Variants in ATP8A2 observed in about 807,000 individuals in gnomAD.
ATP8A2 encodes the protein ATPase phospholipid transporting 8A2.
In ATP8A2, 100 loss-of-function variants were observed where a neutral mutation model predicts 165.6. The ratio of observed to expected loss-of-function variants is 0.60; its 90% CI spans 0.51 to 0.71. ATP8A2 has a LOEUF of 0.71. ATP8A2 is among the 30% of genes least tolerant of loss of function. ATP8A2 has a pLI of 0.00. For missense variants in ATP8A2, 1,227 were observed against 1,479.5 expected (o/e 0.83, Z 2.80); for synonymous variants, 543 against 548.8 (o/e 0.99, Z 0.15).
chr13:25,868,765 C>G (rs1952594550), intron 33 of ATP8A2, among the ~76,000 whole-genome samples: 1 of 152,058 alleles, frequency 6.6e-6, no homozygotes, highest in African/African-American at 2.4e-5. Context: ...CAACACCAGT[C>G]CCTTTCTGAG....
chr13:25,934,870 G>A (rs1030720408), intron 33 of ATP8A2, among the ~76,000 whole-genome samples: 16 of 152,280 alleles, frequency 1.1e-4, no homozygotes, highest in African/African-American at 2.6e-4. Context: ...CATACAGTTC[G>A]GTGTGGCTGA....
chr13:25,845,492 T>C (rs80353729), intron 30 of ATP8A2, among the ~76,000 whole-genome samples: 18 of 152,322 alleles, frequency 1.2e-4, no homozygotes, highest in African/African-American at 4.3e-4. Flanking sequence ...CCGTAGAAAC[T>C]GCTCCCTCAC....
At chr13:25,571,923 T>C (rs779749345) in intron 18 of ATP8A2, 4 of 531,526 alleles carry the variant, frequency 7.5e-6, no homozygotes, top group African/African-American at 5.7e-5. Flanking sequence ...TACACTGATG[T>C]GAAATTATTT....
Position 25,965,502 on chromosome 13 carries a change from ATAAT to A in ATP8A2, c.3273-3071_3273-3068del, listed in dbSNP as rs1256533483. Among the ~76,000 whole-genome samples, 4 of 152,262 alleles carry A rather than the reference ATAAT, an allele frequency of 2.6e-5. No homozygotes were observed. In the East Asian group the frequency reaches 5.8e-4, roughly 22 times the overall value. ...CAAAACTAAGCTACCTTTTATTAAAATAATTGATTGATTATATGTGATACCTGGC... is the reference window on the plus strand; with the variant it reads ...CAAAACTAAGCTACCTTTTATTAAAATGATTGATTATATGTGATACCTGGC... On this transcript the variant is annotated intron_variant, in intron 34 of 36. Coordinates refer to ENST00000381655, the MANE Select transcript of ATP8A2 (RefSeq NM_016529.6).
chr13:25,976,178 C>T (rs762294530), intron 35 of ATP8A2, among the ~76,000 whole-genome samples: 1 of 152,196 alleles, frequency 6.6e-6, no homozygotes, highest in Non-Finnish European at 1.5e-5. Context: ...ATCTTCCTGC[C>T]TCAGCCTCCC....
chr13:25,938,016 T>G (rs1954964262), intron 33 of ATP8A2, among the ~76,000 whole-genome samples: 1 of 152,128 alleles, frequency 6.6e-6, no homozygotes, highest in Non-Finnish European at 1.5e-5. Flanking sequence ...AAAGTATTCC[T>G]GTTTGCTCAT....
At chr13:25,668,758 A>G (rs920818127) in intron 24 of ATP8A2, among the ~76,000 whole-genome samples, 8 of 152,148 alleles carry the variant, frequency 5.3e-5, no homozygotes, top group Non-Finnish European at 1.2e-4. Context: ...AACAGTATAT[A>G]AAATATGCAT....
chr13:25,885,835 T>G (rs1953133693), intron 33 of ATP8A2, among the ~76,000 whole-genome samples: 1 of 152,224 alleles, frequency 6.6e-6, no homozygotes, highest in Non-Finnish European at 1.5e-5. Flanking sequence ...TTTATTTATC[T>G]AGACTCACAC....
chr13:26,007,133 C>CAAAGTAAAAAGTTTTTGTGAACAA (rs1956757962), intron 35 of ATP8A2, among the ~76,000 whole-genome samples: 1 of 151,992 alleles, frequency 6.6e-6, no homozygotes, highest in Admixed American at 6.6e-5. Flanking sequence ...TTTTTGTGAA[C>CAAAGTAAAAAGTTTTTGTGAACAA]AGATAGCTTC....
At chr13:25,976,272 C>T (rs536413479) in intron 35 of ATP8A2, among the ~76,000 whole-genome samples, 1 of 152,158 alleles carries the variant, frequency 6.6e-6, no homozygotes, top group African/African-American at 2.4e-5. Flanking sequence ...TCATTATGCT[C>T]CACTTTATTT....
intron 33 of ATP8A2, among the ~76,000 whole-genome samples, chr13:25,907,016 G>A (rs183416489): frequency 4.2e-4 from 64 of 152,318 alleles, no homozygotes; most frequent in African/African-American, 1.4e-3. Context: ...GATCACTTGA[G>A]GTCAGGAGTT....
chr13:25,969,976 G>A (rs76076262), intron 35 of ATP8A2, among the ~76,000 whole-genome samples: 1,660 of 152,096 alleles, frequency 0.011, 39 homozygotes, highest in African/African-American at 0.038. Context: ...GGGACCTACC[G>A]TGCTCTTTGA....
chr13:25,399,601 A>C (rs2033559218), intron 1 of ATP8A2, among the ~76,000 whole-genome samples: 1 of 124,502 alleles, frequency 8.0e-6, no homozygotes, highest in Non-Finnish European at 1.7e-5. Flanking sequence ...ACGGGGTTTC[A>C]CCGTTTTAGC....
intron 35 of ATP8A2, among the ~76,000 whole-genome samples, chr13:25,992,978 GA>G (rs1371816273): frequency 6.1e-5 from 9 of 148,414 alleles, no homozygotes; most frequent in African/African-American, 2.3e-4. Flanking sequence ...TGAGAATGAT[GA>G]TTTCCAATTT....
chr13:25,531,444 ATTATATATATGATTATATATATG>A (rs1566230706), intron 4 of ATP8A2, among the ~76,000 whole-genome samples: 5 of 45,710 alleles, frequency 1.1e-4, no homozygotes, highest in African/African-American at 5.4e-4. Flanking sequence ...TATATATATG[ATTATATATATGATTATATATATG>A]TTATATATAT....
At chr13:25,743,096 T>C (rs1383444980) in intron 25 of ATP8A2, among the ~76,000 whole-genome samples, 1 of 152,006 alleles carries the variant, frequency 6.6e-6, no homozygotes, top group Non-Finnish European at 1.5e-5. Context: ...ATGAGGTCAT[T>C]AGGGTGGACC....
At chr13:25,999,865 G>A in intron 35 of ATP8A2, among the ~76,000 whole-genome samples, 1 of 152,052 alleles carries the variant, frequency 6.6e-6, no homozygotes, top group East Asian at 1.9e-4. Flanking sequence ...GTAGTTCCGT[G>A]GTATATAAAA....
chr13:25,739,090 A>G lies in ATP8A2; in HGVS notation c.2385-29956A>G, dbSNP rs545073763. Among the ~76,000 whole-genome samples, 122 of 152,328 alleles carry G rather than the reference A, an allele frequency of 8.0e-4. No individual in the cohort carries two copies. The Middle Eastern group carries it at 0.014, about 17-fold the overall frequency. On this transcript the variant is annotated intron_variant, in intron 25 of 36. Transcript: ENST00000381655. ...TTCTCTTGAACTTCTGGAGCAGGAG[A>G]GTCACATCATGGGATTTGAGCAGGG...
chr13:25,775,780 G>T (rs1019232165), intron 27 of ATP8A2, among the ~76,000 whole-genome samples: 1 of 152,136 alleles, frequency 6.6e-6, no homozygotes, highest in African/African-American at 2.4e-5. Context: ...TCTACTATGG[G>T]TTATTTTATA....
Sources: gnomAD v4.1 joint callset for allele counts (sites outside exome capture counted in the v4.1 genomes callset) on GRCh38, gnomAD v4.1.1 for gene constraint, MANE v1.5 for transcripts, NCBI Gene and HGNC (gene_info 2026-07-23, HGNC 2026-07-21) for gene names.